Variants in MAP4K5 observed in about 807,000 individuals in gnomAD.
MAP4K5 encodes MAPK/ERK kinase kinase kinase 5.
Under a neutral mutation model 135.6 loss-of-function variants are expected in MAP4K5, and 82 were observed. That is an observed-to-expected ratio of 0.60 (90% CI 0.51 to 0.73). The LOEUF is 0.73. Among genes scored for constraint, MAP4K5 ranks in the 30% least tolerant of loss-of-function variants. MAP4K5 has a pLI of 0.00. For synonymous variants in MAP4K5, 347 were observed against 335.0 expected (o/e 1.04, Z -0.39); for missense variants, 907 against 1,010.9 (o/e 0.90, Z 1.39).
intron 6 of MAP4K5, among the ~76,000 whole-genome samples, chr14:50,479,017 T>TG (rs1199397911): frequency 3.4e-4 from 52 of 151,562 alleles, no homozygotes; most frequent in South Asian, 1.5e-3. Context: ...TTTTTTTTTT[T>TG]TTGTTGTTGT....
chr14:50,556,258 C>T (rs918736294), intron 1 of MAP4K5, among the ~76,000 whole-genome samples: 1 of 152,138 alleles, frequency 6.6e-6, no homozygotes. Context: ...GAGACAGGGT[C>T]TTGCTCTGTC....
intron 4 of MAP4K5, chr14:50,485,893 A>C: frequency 1.9e-6 from 1 of 534,324 alleles, no homozygotes; most frequent in East Asian, 3.2e-5. Context: ...GTTTCATTAA[A>C]ATTGCCAGAT....
intron 28 of MAP4K5, among the ~76,000 whole-genome samples, chr14:50,432,190 A>C (rs1033373576): frequency 6.6e-6 from 1 of 152,246 alleles, no homozygotes; most frequent in Admixed American, 6.5e-5. Flanking sequence ...AGCCTAAAAG[A>C]GTCTTGAATA....
At chr14:50,488,528 T>C (rs1187384413) in intron 3 of MAP4K5, among the ~76,000 whole-genome samples, 1 of 152,206 alleles carries the variant, frequency 6.6e-6, no homozygotes, top group Non-Finnish European at 1.5e-5. Flanking sequence ...TCACATAATA[T>C]GGTGCCTAAC....
At chr14:50,504,948 C>G (rs1259161100) in intron 2 of MAP4K5, 91 bp from the exon 3 acceptor site, 1 of 713,466 alleles carries the variant, frequency 1.4e-6, no homozygotes, top group Non-Finnish European at 2.2e-6. Flanking sequence ...GCTTATCAAC[C>G]ATACTTTTAT....
chr14:50,463,594 A>T (rs1180709354), intron 12 of MAP4K5, among the ~76,000 whole-genome samples: 3 of 152,048 alleles, frequency 2.0e-5, no homozygotes, highest in Non-Finnish European at 4.4e-5. Context: ...GCCTATAGAA[A>T]ATTTGCTGGT....
chr14:50,544,383 TC>T (rs1017413403), intron 1 of MAP4K5, among the ~76,000 whole-genome samples: 2 of 152,168 alleles, frequency 1.3e-5, no homozygotes, highest in African/African-American at 2.4e-5. Context: ...ACTGAGACAC[TC>T]CCCCGTCTTA....
chr14:50,432,806 T>C (rs928231960), intron 28 of MAP4K5, among the ~76,000 whole-genome samples: 2 of 152,140 alleles, frequency 1.3e-5, no homozygotes, highest in African/African-American at 4.8e-5. Context: ...CCATAACCTT[T>C]CCTTTGAGCA....
chr14:50,483,338 T>C (rs1024446955), intron 5 of MAP4K5, among the ~76,000 whole-genome samples: 3 of 152,162 alleles, frequency 2.0e-5, no homozygotes, highest in Non-Finnish European at 1.5e-5. Flanking sequence ...GCTTCGGGAC[T>C]ATGCCTTTCA....
At chr14:50,508,686 G>A (rs1427085671) in intron 2 of MAP4K5, among the ~76,000 whole-genome samples, 1 of 151,802 alleles carries the variant, frequency 6.6e-6, no homozygotes, top group East Asian at 1.9e-4. Flanking sequence ...TGCATGTTGT[G>A]CACATGTACC....
At chr14:50,443,897 A>G (rs1316623905) in intron 19 of MAP4K5, 42 bp downstream of exon 19, 1 of 1,478,064 alleles carries the variant, frequency 6.8e-7, no homozygotes, top group African/African-American at 1.4e-5. Flanking sequence ...TGATAAATAT[A>G]GTATTATTTA....
At chr14:50,452,914 C>T (rs1243575340) in intron 14 of MAP4K5, among the ~76,000 whole-genome samples, 3 of 152,208 alleles carry the variant, frequency 2.0e-5, no homozygotes, top group Non-Finnish European at 4.4e-5. Flanking sequence ...TAACTGGAGC[C>T]ACTGGTTGTT....
intron 2 of MAP4K5, among the ~76,000 whole-genome samples, chr14:50,524,199 T>A (rs572247863): frequency 6.6e-6 from 1 of 152,324 alleles, no homozygotes; most frequent in South Asian, 2.1e-4. Flanking sequence ...CACTCAGTCT[T>A]GATGAAAGTA....
At chr14:50,430,745 T>C (rs1304154937) in intron 28 of MAP4K5, among the ~76,000 whole-genome samples, 1 of 152,226 alleles carries the variant, frequency 6.6e-6, no homozygotes, top group Non-Finnish European at 1.5e-5. Context: ...ATTTCTAATA[T>C]TAAAATTAAG....
intron 2 of MAP4K5, 134 bp downstream of exon 2, chr14:50,531,808 G>A: frequency 1.4e-6 from 1 of 725,828 alleles, no homozygotes; most frequent in South Asian, 1.6e-5. Context: ...CCGAGTAAAA[G>A]GGACCCCGGC....
At chr14:50,520,844 T>G (rs1342524874) in intron 2 of MAP4K5, among the ~76,000 whole-genome samples, 9 of 141,218 alleles carry the variant, frequency 6.4e-5, no homozygotes, top group Non-Finnish European at 1.4e-4. Context: ...TTTTTTGAGA[T>G]GGAGTTTCAC....
chr14:50,490,984 G>A (rs1293621047), intron 3 of MAP4K5, among the ~76,000 whole-genome samples: 3 of 152,172 alleles, frequency 2.0e-5, no homozygotes, highest in Non-Finnish European at 4.4e-5. Context: ...ATACTCTGGG[G>A]ATGAACTGGA....
chr14:50,503,739 C>T (rs539596669), intron 3 of MAP4K5, among the ~76,000 whole-genome samples: 34 of 152,152 alleles, frequency 2.2e-4, no homozygotes, highest in African/African-American at 7.5e-4. Flanking sequence ...CCACTGCACT[C>T]GCTTAAGACA....
chr14:50,466,213 T>TAACA (rs890890794), intron 11 of MAP4K5, among the ~76,000 whole-genome samples: 8 of 151,596 alleles, frequency 5.3e-5, no homozygotes, highest in Non-Finnish European at 1.2e-4. Context: ...CCTGTCTCTA[T>TAACA]AACAAACAAA....
Sources: gnomAD v4.1 joint callset for allele counts (sites outside exome capture counted in the v4.1 genomes callset) on GRCh38, gnomAD v4.1.1 for gene constraint, MANE v1.5 for transcripts, NCBI Gene and HGNC (gene_info 2026-07-23, HGNC 2026-07-21) for gene names.